The following NDUFA10 variants were observed in gnomAD, a reference collection of about 807,000 sequenced individuals.
NDUFA10 encodes the protein NADH dehydrogenase [ubiquinone] 1 alpha subcomplex subunit 10, mitochondrial.
NDUFA10 carries 40 observed loss-of-function variants against 47.8 expected under a neutral mutation model. The ratio of observed to expected loss-of-function variants is 0.84; its 90% CI spans 0.65 to 1.09. NDUFA10 has a LOEUF of 1.09. Ranked by LOEUF, NDUFA10 falls within the 50% of genes least tolerant of loss-of-function variation. The pLI, the probability that NDUFA10 is intolerant of heterozygous loss-of-function variation, is 0.00. For missense variants in NDUFA10, 413 were observed against 451.1 expected (o/e 0.92, Z 0.76); for synonymous variants, 183 against 172.2 (o/e 1.06, Z -0.49).
chr2:239,952,079 C>T (rs1040853268), intron 4 of NDUFA10, among the ~76,000 whole-genome samples: 6 of 152,178 alleles, frequency 3.9e-5, no homozygotes, highest in Non-Finnish European at 5.9e-5. Flanking sequence ...GCACAGGAGC[C>T]GCCTGTGAGC....
chr2:239,916,294 T>A (rs955710431), intron 4 of NDUFA10, among the ~76,000 whole-genome samples: 1 of 146,258 alleles, frequency 6.8e-6, no homozygotes, highest in African/African-American at 2.6e-5. Flanking sequence ...GATACAAATA[T>A]ACAGACACAC....
intron 4 of NDUFA10, among the ~76,000 whole-genome samples, chr2:239,952,213 G>A (rs1231359559): frequency 6.9e-6 from 1 of 145,016 alleles, no homozygotes; most frequent in Non-Finnish European, 1.5e-5. Context: ...AAGGCTGCAT[G>A]AAGGACTGGG....
intron 4 of NDUFA10, among the ~76,000 whole-genome samples, chr2:239,938,002 TACTC>T (rs924922075): frequency 6.6e-6 from 1 of 152,022 alleles, no homozygotes; most frequent in Non-Finnish European, 1.5e-5. Context: ...CAGCCGCAAA[TACTC>T]ACTGCTGTGC....
intron 9 of NDUFA10, among the ~76,000 whole-genome samples, chr2:239,980,297 T>C (rs972029900): frequency 3.9e-5 from 6 of 152,230 alleles, no homozygotes; most frequent in Admixed American, 3.9e-4. Flanking sequence ...GCAGGGGGTC[T>C]GAAATGTCAG....
intron 4 of NDUFA10, among the ~76,000 whole-genome samples, chr2:239,907,046 G>A (rs2106468628): frequency 6.6e-6 from 1 of 152,254 alleles, no homozygotes; most frequent in African/African-American, 2.4e-5. Context: ...GCATGGTGCT[G>A]GTGCCAAAAC....
chr2:239,981,424 A>G (rs1695768590), intron 9 of NDUFA10, among the ~76,000 whole-genome samples: 1 of 68,744 alleles, frequency 1.5e-5, no homozygotes, highest in Admixed American at 1.7e-4. Context: ...TAAAATGTCT[A>G]CAGAGAGAAG....
intron 9 of NDUFA10, among the ~76,000 whole-genome samples, chr2:239,969,151 G>C (rs1695210599): frequency 6.6e-6 from 1 of 152,100 alleles, no homozygotes; most frequent in Admixed American, 6.5e-5. Flanking sequence ...CCCATAACAA[G>C]GGGAAAATAT....
chr2:239,909,844 A>G (rs902575114), intron 4 of NDUFA10, among the ~76,000 whole-genome samples: 15 of 152,198 alleles, frequency 9.9e-5, no homozygotes, highest in Admixed American at 9.2e-4. Flanking sequence ...AAAATTCTGC[A>G]ATCTACCCAT....
At chr2:240,017,461 C>T (rs1187847581) in intron 4 of NDUFA10, among the ~76,000 whole-genome samples, 1 of 152,206 alleles carries the variant, frequency 6.6e-6, no homozygotes, top group East Asian at 1.9e-4. Flanking sequence ...ACACATTTCT[C>T]CTATGTGCCC....
intron 4 of NDUFA10, among the ~76,000 whole-genome samples, chr2:239,942,860 G>A (rs1404369232): frequency 6.6e-6 from 1 of 152,172 alleles, no homozygotes; most frequent in African/African-American, 2.4e-5. Flanking sequence ...CCTGGCAAAG[G>A]CTCGTCTTCC....
intron 4 of NDUFA10, among the ~76,000 whole-genome samples, chr2:239,915,224 G>A (rs1038436098): frequency 7.2e-5 from 10 of 139,502 alleles, no homozygotes; most frequent in Admixed American, 2.9e-4. Flanking sequence ...CAGACACAGA[G>A]AGACACAGAT....
At chr2:239,913,405 A>G (rs1395254172) in intron 4 of NDUFA10, among the ~76,000 whole-genome samples, 3 of 152,226 alleles carry the variant, frequency 2.0e-5, no homozygotes, top group Non-Finnish European at 2.9e-5. Context: ...GGACTCTGCC[A>G]CGATGGGCGG....
intron 4 of NDUFA10, among the ~76,000 whole-genome samples, chr2:239,907,665 A>G (rs1315882406): frequency 1.3e-5 from 2 of 152,148 alleles, no homozygotes; most frequent in African/African-American, 4.8e-5. Context: ...ATCACTGGCC[A>G]TCAGAGAAAT....
At chr2:239,979,173 G>A (rs1428563817) in intron 9 of NDUFA10, among the ~76,000 whole-genome samples, 1 of 152,202 alleles carries the variant, frequency 6.6e-6, no homozygotes, top group Non-Finnish European at 1.5e-5. Flanking sequence ...CCATGAGGAA[G>A]TATGCCTGGG....
chr2:239,911,084 C>G (rs1574771874), intron 4 of NDUFA10, among the ~76,000 whole-genome samples: 1 of 152,312 alleles, frequency 6.6e-6, no homozygotes, highest in East Asian at 1.9e-4. Context: ...GGGCACTCAG[C>G]CGTAGTCACA....
intron 4 of NDUFA10, among the ~76,000 whole-genome samples, chr2:239,946,131 T>C (rs749738018): frequency 9.2e-5 from 14 of 152,166 alleles, no homozygotes; most frequent in Non-Finnish European, 1.8e-4. Flanking sequence ...CTCCAGTGAC[T>C]TCTCGAAGTC....
intron 4 of NDUFA10, among the ~76,000 whole-genome samples, chr2:239,931,309 G>A (rs969218584): frequency 7.2e-5 from 11 of 152,104 alleles, no homozygotes; most frequent in South Asian, 4.1e-4. Context: ...CAGGCACCTC[G>A]CTCCAGCCCC....
chr2:239,965,748 A>C (rs1341342232), intron 9 of NDUFA10, among the ~76,000 whole-genome samples: 1 of 152,260 alleles, frequency 6.6e-6, no homozygotes, highest in African/African-American at 2.4e-5. Context: ...GCTTCTGCCG[A>C]GTATACACCG....
intron 4 of NDUFA10, chr2:240,017,717 G>T: frequency 1.1e-6 from 1 of 920,738 alleles, no homozygotes. Context: ...GCACGGGCTT[G>T]CAGTGCTCTT....
Sources: gnomAD v4.1 joint callset for allele counts (sites outside exome capture counted in the v4.1 genomes callset) on GRCh38, gnomAD v4.1.1 for gene constraint, MANE v1.5 for transcripts, NCBI Gene and HGNC (gene_info 2026-07-23, HGNC 2026-07-21) for gene names.